GALE: variants seen among roughly 807,000 people sequenced by gnomAD.
GALE encodes UDP-glucose 4-epimerase.
Under a neutral mutation model 44.1 loss-of-function variants are expected in GALE, and 32 were observed. That is an observed-to-expected ratio of 0.73 (90% CI 0.55 to 0.97). GALE has a LOEUF of 0.97. Ranked by LOEUF, GALE falls within the 50% of genes least tolerant of loss-of-function variation. The pLI, the probability that GALE is intolerant of heterozygous loss-of-function variation, is 0.00. For synonymous variants in GALE, 182 were observed against 183.5 expected, an observed-to-expected ratio of 0.99 and a Z score of 0.06; for missense variants, 423 against 455.6, an observed-to-expected ratio of 0.93 and a Z score of 0.65.
Position 23,798,298 on chromosome 1 carries a change from T to A in GALE, c.238-68A>T. On this transcript the variant is annotated intron_variant, in intron 4 of 11. Coordinates refer to ENST00000617979, the MANE Select transcript of GALE (RefSeq NM_001008216.2). This position sits in a 1 kb window ranked among gnomAD's most constrained non-coding sequence, Gnocchi z 4.5. ...TCCTTGGCAATGCCCTCAGCCTGCC[T>A]GCCTGCACTCACCTTTTTTTTTTTT... 1 of 1,108,232 alleles carries A rather than the reference T, an allele frequency of 9.0e-7. No homozygotes were observed. The highest frequency in any genetic ancestry group is 1.3e-5 in the South Asian group (1 of 77,808). 68.6% of individuals were successfully genotyped at this position (1,108,232 alleles called of 1,614,324 possible). A position where few individuals can be genotyped will look rare whatever the true frequency, so the allele number is the denominator to read the frequency against.
Position 23,798,683 on chromosome 1 carries a change from C to T in GALE, c.169G>A (p.Gly57Ser), listed in dbSNP as rs199591357. Reference sequence around the variant, plus strand: ...ATCTCCTCAAACTCCACAGAGCGGCCTGTCAGCTCCTGGACCCGCCGCAGG... The same window carrying T: ...ATCTCCTCAAACTCCACAGAGCGGCTTGTCAGCTCCTGGACCCGCCGCAGG... Reference protein sequence around the residue: ...ESLRRVQELTGRSVEFEEMDI... With the variant: ...ESLRRVQELTSRSVEFEEMDI... The change falls in exon 4 of 12, where the codon GGC (glycine) becomes AGC (serine). Residue 57 changes from glycine (G) to serine (S), a missense_variant. Gly to Ser is a moderately conservative substitution (Grantham distance 56). Coordinates refer to ENST00000617979, the MANE Select transcript of GALE (RefSeq NM_001008216.2). The surrounding 1 kb of genome is among the most constrained non-coding windows in gnomAD (Gnocchi z 4.5). 3.1e-5 allele frequency: 50 copies of T among 1,613,476 alleles called. No individual in the cohort carries two copies. The African/African-American group carries it at 6.4e-4, about 21-fold the overall frequency.
intron 6 of GALE, 117 bp from the exon 7 acceptor site, chr1:23,797,264 G>A: frequency 2.6e-6 from 2 of 759,810 alleles, no homozygotes; most frequent in Non-Finnish European, 4.5e-6. Flanking sequence ...CTATGGCCCA[G>A]GCTGGAGTGT....
rs764385895 is a variant in GALE, at chr1:23,796,200, C to T, written c.939G>A (p.Leu313=). The change falls in exon 11 of 12, where the codon CTG becomes CTA. Residue 313 remains leucine (L), a synonymous_variant. Transcript: ENST00000617979. This position sits in a 1 kb window ranked among gnomAD's most constrained non-coding sequence, Gnocchi z 5.2. The part of the protein sequence containing the change: ...DVAACYANPS[L]AQEELGWTAA... Reference sequence around the variant, plus strand: ...CTGTCCACCCCAGCTCCTCTTGGGCCAGGCTGGGGTTGGCGTAACAGGCTG... The same window carrying T: ...CTGTCCACCCCAGCTCCTCTTGGGCTAGGCTGGGGTTGGCGTAACAGGCTG... The T allele has an allele frequency of 2.5e-6, 4 of 1,614,010 alleles. No individual in the cohort carries two copies. In the African/African-American group the frequency reaches 5.3e-5, roughly 22 times the overall value.
chr1:23,796,052 A>G lies in GALE; in HGVS notation c.989-45T>C, dbSNP rs778310173. The G allele has an allele frequency of 1.1e-5, 17 of 1,609,498 alleles. No homozygotes were observed. Among genetic ancestry groups the G allele is most frequent in the Non-Finnish European group, 1.4e-5 (17 of 1,176,536 alleles). On this transcript the variant is annotated intron_variant, in intron 11 of 11. Coordinates refer to ENST00000617979, the MANE Select transcript of GALE (RefSeq NM_001008216.2). This position sits in a 1 kb window ranked among gnomAD's most constrained non-coding sequence, Gnocchi z 5.2. ...GTGCTCAGGGCCCACGGTGGAATGCAGAGCCTCCCCCACCCCACAGCCCGC... is the reference window on the plus strand; with the variant it reads ...GTGCTCAGGGCCCACGGTGGAATGCGGAGCCTCCCCCACCCCACAGCCCGC...
In GALE at chr1:23,796,687, C is replaced by G; in HGVS notation, c.795+10G>C. On this transcript the variant is annotated intron_variant, in intron 9 of 11. Coordinates refer to ENST00000617979, the MANE Select transcript of GALE (RefSeq NM_001008216.2). The surrounding 1 kb of genome is among the most constrained non-coding windows in gnomAD (Gnocchi z 5.2). ...CCCTCCCCTCCCTCACTTCTCCCTT[C>G]TCTTCCTACCCGGCAGCCACACTGT... 6.2e-7 allele frequency: 1 copy of G among 1,613,638 alleles called. No homozygotes were observed. The highest frequency in any genetic ancestry group is 8.5e-7 in the Non-Finnish European group (1 of 1,179,814).
In GALE at chr1:23,796,359, G is replaced by T; in HGVS notation, c.874-94C>A. The T allele has an allele frequency of 6.9e-7, 1 of 1,442,884 alleles. No individual in the cohort carries two copies. Among genetic ancestry groups the T allele is most frequent in the Non-Finnish European group, 9.7e-7 (1 of 1,027,436 alleles). The allele number at this position is 1,442,884 out of a possible 1,614,324, so 89.4% of individuals were successfully genotyped here. On this transcript the variant is annotated intron_variant, in intron 10 of 11. Transcript: ENST00000617979. This position sits in a 1 kb window ranked among gnomAD's most constrained non-coding sequence, Gnocchi z 5.2. ...GAAGCAGAAGTGCAGAGCAGCGGCT[G>T]GCCCGCAGGCACCGGGTGCTAGGCA... is the stretch of plus-strand genomic sequence containing the variant.
Position 23,797,769 on chromosome 1 carries a change from CACCCGTGGGGTGGGCCTCA to C in GALE, c.435_453del (p.Asp145GlufsTer17), listed in dbSNP as rs779240045. The C allele has an allele frequency of 1.2e-6, 2 of 1,614,040 alleles. No homozygotes were observed. The highest frequency in any genetic ancestry group is 1.7e-6 in the Non-Finnish European group (2 of 1,180,016). ...GACTTGCCGTAAGGGTTGGTACAAC[CACCCGTGGGGTGGGCCTCA>C]TCAAGGGGCAGGTACTGGGGGTTCC... On this transcript the variant is annotated frameshift_variant, in exon 6 of 12. Coordinates refer to ENST00000617979, the MANE Select transcript of GALE (RefSeq NM_001008216.2). LOFTEE classifies it high-confidence loss of function.
Position 23,796,861 on chromosome 1 carries a change from T to A in GALE, c.709+15A>T, listed in dbSNP as rs374894870. ...CCTGGCTCCCACTCCTAGGTCCCCC[T>A]GGTCCTAGGCTCACCTGTGCCATCC... On this transcript the variant is annotated intron_variant, in intron 8 of 11. Coordinates refer to ENST00000617979, the MANE Select transcript of GALE (RefSeq NM_001008216.2). This position sits in a 1 kb window ranked among gnomAD's most constrained non-coding sequence, Gnocchi z 5.2. 1 of 1,612,580 alleles carries A rather than the reference T, an allele frequency of 6.2e-7. No individual in the cohort carries two copies. Among genetic ancestry groups the A allele is most frequent in the Non-Finnish European group, 8.5e-7 (1 of 1,179,264 alleles).
rs1428698230 is a variant in GALE at position 23,798,603 on chromosome 1, G to A, written c.237+12C>T. The A allele has an allele frequency of 3.1e-6, 5 of 1,592,748 alleles. No homozygotes were observed. Among genetic ancestry groups the A allele is most frequent in the Non-Finnish European group, 4.3e-6 (5 of 1,160,770 alleles). On this transcript the variant is annotated intron_variant, in intron 4 of 11. Transcript: ENST00000617979. The surrounding 1 kb of genome is among the most constrained non-coding windows in gnomAD (Gnocchi z 4.5). ...TTACAGGCGTGAGCCACCGTGCCCA[G>A]CCTGCACCCACCTTTTTGAAGAGAC... is the stretch of plus-strand genomic sequence containing the variant.
At chr1:23,797,628 G>T (rs1238920592) in intron 6 of GALE, 67 bp downstream of exon 6, 4 of 1,492,312 alleles carry the variant, frequency 2.7e-6, no homozygotes, top group Non-Finnish European at 3.7e-6. Context: ...CCCACCCCTG[G>T]GCTCAGGGTG....
chr1:23,795,955 T>C lies in GALE; in HGVS notation c.1041A>G (p.Gln347=), dbSNP rs1638932186. Residue 347 remains glutamine, a synonymous_variant, in exon 12 of 12, where the codon CAA becomes CAG. Coordinates refer to ENST00000617979, the MANE Select transcript of GALE (RefSeq NM_001008216.2). ...QKQNPSGFGT[Q]A is the part of the protein sequence containing the mutation. ...CCTTGGTAGGGGAGGGTCCTCAGGC[T>C]TGCGTGCCAAAGCCTGAAGGATTCT... The C allele has an allele frequency of 1.2e-6, 2 of 1,613,950 alleles. No homozygotes were observed. The highest frequency in any genetic ancestry group is 1.7e-6 in the Non-Finnish European group (2 of 1,179,968).
At position 23,796,244 on chromosome 1, in the gene GALE, G is replaced by A. The variant is rs971777704; in HGVS notation, c.895C>T (p.Arg299Trp). 8.7e-6 allele frequency: 14 copies of A among 1,613,966 alleles called. No homozygotes were observed. Among genetic ancestry groups the A allele is most frequent in the African/African-American group, 4.0e-5 (3 of 74,906 alleles). The change falls in exon 11 of 12, where the codon CGG (arginine) becomes TGG (tryptophan). Residue 299 changes from arginine to tryptophan, a missense_variant. Arg to Trp is a moderately radical substitution (Grantham distance 101, BLOSUM62 -3). Transcript: ENST00000617979. This position sits in a 1 kb window ranked among gnomAD's most constrained non-coding sequence, Gnocchi z 5.2. ...CAGGCTGCCACATCACCTTCCCGCCGTGCCACCACCTTGTACGGGATCTGC... is the reference window on the plus strand; with the variant it reads ...CAGGCTGCCACATCACCTTCCCGCCATGCCACCACCTTGTACGGGATCTGC... Reference protein sequence around the residue: ...GKKIPYKVVARREGDVAACYA... With the variant: ...GKKIPYKVVAWREGDVAACYA...
Position 23,798,682 on chromosome 1 carries a change from C to A in GALE, c.170G>T (p.Gly57Val). 1 of 1,613,474 alleles carries A rather than the reference C, an allele frequency of 6.2e-7. No homozygotes were observed. Among genetic ancestry groups the A allele is most frequent in the Non-Finnish European group, 8.5e-7 (1 of 1,179,636 alleles). ...ESLRRVQELT[G>V]RSVEFEEMDI... ...CATCTCCTCAAACTCCACAGAGCGG[C>A]CTGTCAGCTCCTGGACCCGCCGCAG... Residue 57 changes from glycine to valine, a missense_variant, in exon 4 of 12, where the codon GGC becomes GTC. Transcript: ENST00000617979. This position sits in a 1 kb window ranked among gnomAD's most constrained non-coding sequence, Gnocchi z 4.5.
In GALE at chr1:23,796,368, G is replaced by T; in HGVS notation, c.874-103C>A. The T allele has an allele frequency of 7.0e-7, 1 of 1,431,060 alleles. No individual in the cohort carries two copies. Among genetic ancestry groups the T allele is most frequent in the Non-Finnish European group, 9.8e-7 (1 of 1,017,974 alleles). The allele number at this position is 1,431,060 out of a possible 1,614,324, so 88.6% of individuals were successfully genotyped here. A position where few individuals can be genotyped will look rare whatever the true frequency, so the allele number is the denominator to read the frequency against. On this transcript the variant is annotated intron_variant, in intron 10 of 11. Coordinates refer to ENST00000617979, the MANE Select transcript of GALE (RefSeq NM_001008216.2). This position sits in a 1 kb window ranked among gnomAD's most constrained non-coding sequence, Gnocchi z 5.2. The stretch of plus-strand genomic sequence containing the variant: ...GTGCAGAGCAGCGGCTGGCCCGCAG[G>T]CACCGGGTGCTAGGCAGGCTGAGGA...
intron 6 of GALE, 101 bp from the exon 7 acceptor site, chr1:23,797,248 G>C: frequency 2.4e-6 from 2 of 824,192 alleles, no homozygotes; most frequent in South Asian, 3.0e-5. Context: ...TTGAGATGGA[G>C]TCTCACTATG....
intron 6 of GALE, 47 bp from the exon 7 acceptor site, chr1:23,797,194 G>A (rs567782061): frequency 8.9e-6 from 12 of 1,354,274 alleles, no homozygotes; most frequent in African/African-American, 1.4e-5. Context: ...CAGGCAGCGT[G>A]TCCCAGCTGA....
chr1:23,796,926 C>G lies in GALE; in HGVS notation c.659G>C (p.Arg220Pro), dbSNP rs756780233. Residue 220 changes from arginine (R) to proline (P), a missense_variant, in exon 8 of 12, where the codon CGG (arginine) becomes CCG (proline). By Grantham distance (103) the Arg-to-Pro change is moderately radical (BLOSUM62 -2). Transcript: ENST00000617979. This position sits in a 1 kb window ranked among gnomAD's most constrained non-coding sequence, Gnocchi z 5.2. The stretch of plus-strand genomic sequence containing the variant: ...ATTGCCAAAGACATTCAGGGCCTCC[C>G]GTCGCCCGATCGCCACCTGGAGGTG... ...PYVSQVAIGRREALNVFGNDY... is the reference protein window; with the variant it reads ...PYVSQVAIGRPEALNVFGNDY... 2.5e-6 allele frequency: 4 copies of G among 1,613,486 alleles called. No individual in the cohort carries two copies. The African/African-American group carries it at 5.3e-5, about 22-fold the overall frequency.
Position 23,795,843 on chromosome 1 carries a change from G to T in GALE, c.*106C>A. The T allele has an allele frequency of 8.9e-7, 1 of 1,128,396 alleles. No individual in the cohort carries two copies. 69.9% of individuals were successfully genotyped at this position (1,128,396 alleles called of 1,614,324 possible). Reference sequence around the variant, plus strand: ...GCGGGCCCAGCTGGGGTTTGAGGTAGGGGAGGCCTTGGCTTGGCCCCAGCA... The same window carrying T: ...GCGGGCCCAGCTGGGGTTTGAGGTATGGGAGGCCTTGGCTTGGCCCCAGCA... On this transcript the variant is annotated 3_prime_UTR_variant, in exon 12 of 12. Coordinates refer to ENST00000617979, the MANE Select transcript of GALE (RefSeq NM_001008216.2).
rs754164275 is a variant in GALE, at chr1:23,796,279, G to A, written c.874-14C>T. ...CTTGTACGGGATCTGCAAGACAGGA[G>A]GTAGTTGGAGCTTAGCTGAGCCGGC... On this transcript the variant is annotated splice_polypyrimidine_tract_variant and intron_variant, in intron 10 of 11. Transcript: ENST00000617979. The surrounding 1 kb of genome is among the most constrained non-coding windows in gnomAD (Gnocchi z 5.2). The A allele has an allele frequency of 1.4e-5, 22 of 1,610,450 alleles. No homozygotes were observed. In the Admixed American group the frequency reaches 2.5e-4, roughly 18 times the overall value.
Sources: gnomAD v4.1 joint callset for allele counts on GRCh38, gnomAD v4.1.1 for gene constraint, Gnocchi (gnomAD v3.1) non-coding constraint, MANE v1.5 for transcripts, NCBI Gene and HGNC (gene_info 2026-07-23, HGNC 2026-07-21) for gene names.